The following CACNA1A variants were observed in gnomAD, a reference collection of about 807,000 sequenced individuals.
The protein encoded by CACNA1A is calcium voltage-gated channel subunit alpha1 A.
A neutral mutation model predicts 262.4 loss-of-function variants in CACNA1A; 57 were observed. The ratio of observed to expected loss-of-function variants is 0.22; its 90% CI spans 0.18 to 0.27. The LOEUF (loss-of-function observed/expected upper bound fraction) is 0.27. CACNA1A is among the 10% of genes least tolerant of loss of function. The probability of loss-of-function intolerance (pLI) is 1.00; values close to 1 mark genes in which losing one functional copy is unlikely to be tolerated. For missense variants in CACNA1A, 2,526 were observed against 3,562.8 expected (o/e 0.71, Z 7.41); for synonymous variants, 1,431 against 1,419.3 (o/e 1.01, Z -0.18).
chr19:13,441,358 T>C (rs2060715863), intron 3 of CACNA1A, among the ~76,000 whole-genome samples: 1 of 152,144 alleles, frequency 6.6e-6, no homozygotes, highest in Non-Finnish European at 1.5e-5. Flanking sequence ...AAAAAAATTA[T>C]TTTTTGAGAC....
rs201013405 is a variant in CACNA1A at position 13,300,622 on chromosome 19, T to G, written c.2207A>C (p.Lys736Thr). ...CTCCTTGGCTTTCTGTAGGGCAAGT[T>G]TCTGGTTCGCTGCTTCTTCTTCCTC... The part of the protein sequence containing the change: ...EQEEEEAANQ[K>T]LALQKAKEVA... The change falls in exon 18 of 47, where the codon AAA becomes ACA. Residue 736 changes from lysine to threonine, a missense_variant. Coordinates refer to ENST00000360228, the MANE Select transcript of CACNA1A (RefSeq NM_001127222.2). 6.2e-7 allele frequency: 1 copy of G among 1,613,938 alleles called. No individual in the cohort carries two copies. Among genetic ancestry groups the G allele is most frequent in the Non-Finnish European group, 8.5e-7 (1 of 1,179,862 alleles).
chr19:13,329,805 A>C (rs1485280753), intron 10 of CACNA1A, among the ~76,000 whole-genome samples: 2 of 142,906 alleles, frequency 1.4e-5, no homozygotes, highest in African/African-American at 2.8e-5. Flanking sequence ...TTCTGTGCCC[A>C]GGCTGGAGTG....
intron 3 of CACNA1A, among the ~76,000 whole-genome samples, chr19:13,399,434 GAAA>G (rs79173387): frequency 7.2e-6 from 1 of 139,264 alleles, no homozygotes; most frequent in African/African-American, 2.6e-5. Context: ...GAGAGAAAAG[GAAA>G]AAAAAAAAAG....
At chr19:13,311,656 T>G (rs1319359025) in intron 12 of CACNA1A, among the ~76,000 whole-genome samples, 1 of 151,968 alleles carries the variant, frequency 6.6e-6, no homozygotes, top group Non-Finnish European at 1.5e-5. Flanking sequence ...GCTAACACGG[T>G]GAAACCCCAT....
At position 13,286,517 on chromosome 19, in the gene CACNA1A, T is replaced by C. The variant is rs2057402553; in HGVS notation, c.3539A>G (p.His1180Arg). 2.1e-6 allele frequency: 2 copies of C among 936,266 alleles called. No individual in the cohort carries two copies. The highest frequency in any genetic ancestry group is 3.6e-5 in the African/African-American group (2 of 55,504). The allele number at this position is 936,266 out of a possible 1,614,324, so 58.0% of individuals were successfully genotyped here. Residue 1180 changes from histidine to arginine, a missense_variant, in exon 20 of 47, where the codon CAC becomes CGC. This residue lies in a region of CACNA1A where 765 missense variants were observed against 748.6 expected (regional missense o/e 1.02). Coordinates refer to ENST00000360228, the MANE Select transcript of CACNA1A (RefSeq NM_001127222.2). ...IPPACPPPLN[H>R]TVVQVNKNAN... is the part of the protein sequence containing the mutation. Reference sequence around the variant, plus strand: ...GAGGGTCTCACCTTGTACGACGGTGTGGTTGAGGGGGGGTGGGCAGGCTGG... The same window carrying C: ...GAGGGTCTCACCTTGTACGACGGTGCGGTTGAGGGGGGGTGGGCAGGCTGG...
At chr19:13,276,002 A>C (rs1341832793) in intron 23 of CACNA1A, 46 bp from the exon 24 acceptor site, 3 of 1,323,034 alleles carry the variant, frequency 2.3e-6, no homozygotes, top group East Asian at 2.4e-5. Context: ...CCTGATCCCC[A>C]CCCTGGGGTG....
chr19:13,466,494 CCAT>C (rs2061241551), intron 1 of CACNA1A, among the ~76,000 whole-genome samples: 2 of 151,954 alleles, frequency 1.3e-5, no homozygotes, highest in South Asian at 4.2e-4. Flanking sequence ...GCACCCACCA[CCAT>C]ACCTGGCTAA....
At chr19:13,322,614 A>G (rs10416174) in intron 10 of CACNA1A, among the ~76,000 whole-genome samples, 47,165 of 150,582 alleles carry the variant, frequency 0.31, 8,285 homozygotes, top group East Asian at 0.52. Context: ...TTTTTCTTGT[A>G]AGATGGAGTC....
At chr19:13,408,416 A>T (rs920304165) in intron 3 of CACNA1A, among the ~76,000 whole-genome samples, 1 of 152,222 alleles carries the variant, frequency 6.6e-6, no homozygotes, top group Non-Finnish European at 1.5e-5. Context: ...ATGAAGAAAT[A>T]AATGGAGGAA....
chr19:13,259,600 G>C lies in CACNA1A; in HGVS notation c.4352C>G (p.Thr1451Ser). 1 of 1,609,930 alleles carries C rather than the reference G, an allele frequency of 6.2e-7. No individual in the cohort carries two copies. The highest frequency in any genetic ancestry group is 8.5e-7 in the Non-Finnish European group (1 of 1,178,128). The change falls in exon 27 of 47, where the codon ACC (threonine) becomes AGC (serine). Residue 1451 changes from threonine to serine, a missense_variant. Thr to Ser is a moderately conservative substitution (Grantham distance 58). Coordinates refer to ENST00000360228, the MANE Select transcript of CACNA1A (RefSeq NM_001127222.2). ...TTCTCCCGTGGACACGGTGAAGAGG[G>C]TCAGCAGAGCCCACAGCACATTGTC... ...HYDNVLWALL[T>S]LFTVSTGEGW...
rs1342963547 is a variant in CACNA1A, at chr19:13,455,134, A to C, written c.372T>G (p.Asp124Glu). The stretch of plus-strand genomic sequence containing the variant: ...GCCGTTCAGACATCGGGGTCTTGTC[A>C]TCATCAGGCAGATGCTGCTCCAGTG... ...VLALEQHLPD[D>E]DKTPMSERLD... Residue 124 changes from aspartate to glutamate, a missense_variant, in exon 2 of 47, where the codon GAT (aspartate) becomes GAG (glutamate). This residue lies in a region of CACNA1A where 77 missense variants were observed against 228.4 expected (regional missense o/e 0.34). Coordinates refer to ENST00000360228, the MANE Select transcript of CACNA1A (RefSeq NM_001127222.2). 6.2e-7 allele frequency: 1 copy of C among 1,611,542 alleles called. No homozygotes were observed. The highest frequency in any genetic ancestry group is 1.7e-5 in the Admixed American group (1 of 60,000).
rs540418372 is a variant in CACNA1A at position 13,464,543 on chromosome 19, A to ATTTTTTTTTTTTTTTT, written c.294-9347_294-9332dup. 2.9e-4 allele frequency among the ~76,000 whole-genome samples: 37 copies of ATTTTTTTTTTTTTTTT among 128,950 alleles called. 5 individuals carry two copies. Among genetic ancestry groups the ATTTTTTTTTTTTTTTT allele is most frequent in the African/African-American group, 8.4e-4 (27 of 32,076 alleles). The allele number at this position is 128,950 out of a possible 152,430, so 84.6% of individuals were successfully genotyped here. ...CTGCTAATAGTAAATAACTTTTCCAATTTTTTTTTTTTTTTTTTTTTTAGA... is the reference window on the plus strand; with the variant it reads ...CTGCTAATAGTAAATAACTTTTCCAATTTTTTTTTTTTTTTTTTTTTTTTTTTTTTTTTTTTTTAGA... On this transcript the variant is annotated intron_variant, in intron 1 of 46. Transcript: ENST00000360228.
At chr19:13,232,142 T>G (rs537190592) in intron 34 of CACNA1A, among the ~76,000 whole-genome samples, 1 of 152,104 alleles carries the variant, frequency 6.6e-6, no homozygotes, top group Non-Finnish European at 1.5e-5. Context: ...GACACTGATA[T>G]GTTTTTTTCT....
intron 1 of CACNA1A, among the ~76,000 whole-genome samples, chr19:13,462,735 C>A (rs951861460): frequency 6.6e-6 from 1 of 152,168 alleles, no homozygotes; most frequent in African/African-American, 2.4e-5. Context: ...ACACCCAGGT[C>A]TGCCCAACTC....
At position 13,253,108 on chromosome 19, in the gene CACNA1A, G is replaced by A. The variant is rs1271947791; in HGVS notation, c.4756-7C>T. 3 of 1,591,458 alleles carry A rather than the reference G, an allele frequency of 1.9e-6. No individual in the cohort carries two copies. Among genetic ancestry groups the A allele is most frequent in the Non-Finnish European group, 1.7e-6 (2 of 1,159,658 alleles). Reference sequence around the variant, plus strand: ...CAACAGAAGCCCCATAGAACTAGGGGAAAGAAGCAGGAGTAGCAGGGGTCA... The same window carrying A: ...CAACAGAAGCCCCATAGAACTAGGGAAAAGAAGCAGGAGTAGCAGGGGTCA... On this transcript the variant is annotated splice_region_variant and splice_polypyrimidine_tract_variant and intron_variant, in intron 29 of 46. Coordinates refer to ENST00000360228, the MANE Select transcript of CACNA1A (RefSeq NM_001127222.2).
chr19:13,432,736 T>C (rs1190665627), intron 3 of CACNA1A, among the ~76,000 whole-genome samples: 1 of 152,196 alleles, frequency 6.6e-6, no homozygotes, highest in Non-Finnish European at 1.5e-5. Context: ...TTAAGCGTTC[T>C]CACCACAAAA....
chr19:13,395,256 AGAGT>A (rs1414335433), intron 3 of CACNA1A, among the ~76,000 whole-genome samples: 1 of 144,978 alleles, frequency 6.9e-6, no homozygotes, highest in African/African-American at 2.6e-5. Flanking sequence ...CCTGGGCAAC[AGAGT>A]GAGACTCCAT....
intron 11 of CACNA1A, chr19:13,315,304 C>T (rs925652310): frequency 4.7e-5 from 7 of 149,750 alleles, no homozygotes; most frequent in East Asian, 2.0e-4. Context: ...CAGGTTCAAG[C>T]GATTCTCCTG....
At position 13,299,112 on chromosome 19, in the gene CACNA1A, C is replaced by A. The variant is rs1057522204; in HGVS notation, c.2521G>T (p.Ala841Ser). ...AGGCGCTGGTCCACGGTGGGCTCGG[C>A]CGCCCGGCTCTTGTTGGTGTTGTTG... is the stretch of plus-strand genomic sequence containing the variant. Reference protein sequence around the residue: ...RNNNTNKSRAAEPTVDQRLGQ... With the variant: ...RNNNTNKSRASEPTVDQRLGQ... Residue 841 changes from alanine to serine, a missense_variant, in exon 19 of 47, where the codon GCC becomes TCC. Ala to Ser is a moderately conservative substitution (Grantham distance 99). This residue lies in a region of CACNA1A where 765 missense variants were observed against 748.6 expected (regional missense o/e 1.02). Coordinates refer to ENST00000360228, the MANE Select transcript of CACNA1A (RefSeq NM_001127222.2). 5 of 1,612,314 alleles carry A rather than the reference C, an allele frequency of 3.1e-6. No individual in the cohort carries two copies. The highest frequency in any genetic ancestry group is 4.2e-6 in the Non-Finnish European group (5 of 1,179,686).
Sources: allele counts gnomAD v4.1 joint callset (sites outside exome capture counted in the v4.1 genomes callset), GRCh38; gene constraint gnomAD v4.1.1; regional missense constraint gnomAD v4.1.1; transcripts MANE v1.5; gene names NCBI Gene and HGNC (gene_info 2026-07-23, HGNC 2026-07-21).